Variants in IMMP2L observed in about 807,000 individuals in gnomAD.
IMMP2L encodes the protein mitochondrial inner membrane protease subunit 2.
A neutral mutation model predicts 19.3 loss-of-function variants in IMMP2L; 18 were observed. That is an observed-to-expected ratio of 0.93 (90% confidence interval 0.64 to 1.38). The LOEUF is 1.38. Among genes scored for constraint, IMMP2L ranks in the 40% most tolerant of loss-of-function variants. The probability of loss-of-function intolerance (pLI) is 0.00; values close to 1 mark genes in which losing one functional copy is unlikely to be tolerated. For missense variants in IMMP2L, 233 were observed against 218.2 expected, an observed-to-expected ratio of 1.07 and a Z score of -0.43; for synonymous variants, 76 against 73.0, an observed-to-expected ratio of 1.04 and a Z score of -0.21.
chr7:111,159,179 G>A (rs1804978643), intron 3 of IMMP2L, among the ~76,000 whole-genome samples: 1 of 152,130 alleles, frequency 6.6e-6, no homozygotes, highest in Admixed American at 6.5e-5. Flanking sequence ...GCAGTAGCAT[G>A]ATGTCGACTC....
intron 3 of IMMP2L, among the ~76,000 whole-genome samples, chr7:111,047,447 C>T (rs1337394659): frequency 6.6e-6 from 1 of 152,146 alleles, no homozygotes; most frequent in African/African-American, 2.4e-5. Flanking sequence ...CTTGGCCTCT[C>T]AAAGTGCTAG....
intron 3 of IMMP2L, among the ~76,000 whole-genome samples, chr7:111,140,902 G>T (rs1802812484): frequency 6.6e-6 from 1 of 152,170 alleles, no homozygotes; most frequent in African/African-American, 2.4e-5. Flanking sequence ...ACATTTGAGA[G>T]AGCTGCTGGA....
intron 3 of IMMP2L, among the ~76,000 whole-genome samples, chr7:111,035,476 A>C (rs1373632934): frequency 6.6e-6 from 1 of 152,208 alleles, no homozygotes; most frequent in Non-Finnish European, 1.5e-5. Context: ...TAAACCAAAG[A>C]ATACTGCAAT....
At chr7:111,275,473 TG>T (rs1293972233) in intron 3 of IMMP2L, among the ~76,000 whole-genome samples, 1 of 152,140 alleles carries the variant, frequency 6.6e-6, no homozygotes, top group Non-Finnish European at 1.5e-5. Context: ...AAAACAGTTG[TG>T]GGGGACTGGT....
Position 111,031,381 on chromosome 7 carries a change from G to GGTGTGTGTGTGT in IMMP2L, c.240-67828_240-67817dup, listed in dbSNP as rs1554496351. On this transcript the variant is annotated intron_variant, in intron 3 of 5. Coordinates refer to ENST00000405709, the MANE Select transcript of IMMP2L (RefSeq NM_032549.4). ...AGTGCTAGAAAATAAGGGGTGTAGG[G>GGTGTGTGTGTGT]GTGTGTGTGTGTGTGTGTGTGTGTG... Among the ~76,000 whole-genome samples the GGTGTGTGTGTGT allele has an allele frequency of 6.9e-5, 5 of 72,662 alleles. No homozygotes were observed. In the East Asian group the frequency reaches 9.7e-4, roughly 14 times the overall value. 47.7% of individuals were successfully genotyped at this position (72,662 alleles called of 152,430 possible).
At chr7:110,861,937 C>T (rs1427840445) in intron 5 of IMMP2L, among the ~76,000 whole-genome samples, 1 of 152,000 alleles carries the variant, frequency 6.6e-6, no homozygotes, top group Non-Finnish European at 1.5e-5. Flanking sequence ...TAATTCCAAT[C>T]AACACTATTA....
chr7:110,806,262 T>A (rs1801627902), intron 5 of IMMP2L, among the ~76,000 whole-genome samples: 1 of 35,186 alleles, frequency 2.8e-5, no homozygotes, highest in African/African-American at 1.0e-4. Flanking sequence ...GAAGTTCTTT[T>A]CTGCATAATT....
intron 3 of IMMP2L, among the ~76,000 whole-genome samples, chr7:111,358,356 T>C (rs1369657348): frequency 6.6e-6 from 1 of 151,734 alleles, no homozygotes; most frequent in Admixed American, 6.6e-5. Flanking sequence ...AAAGCATCTT[T>C]TGCCATCATG....
At chr7:111,132,797 T>C (rs561416171) in intron 3 of IMMP2L, among the ~76,000 whole-genome samples, 119 of 152,130 alleles carry the variant, frequency 7.8e-4, no homozygotes, top group Non-Finnish European at 8.1e-4. Context: ...TAGCTACCCA[T>C]AGAGGAAGGT....
intron 5 of IMMP2L, among the ~76,000 whole-genome samples, chr7:110,837,523 T>C (rs1342607689): frequency 6.6e-6 from 1 of 152,080 alleles, no homozygotes; most frequent in Non-Finnish European, 1.5e-5. Flanking sequence ...CACAAAGACA[T>C]GAGGCTGAAG....
At chr7:110,874,412 A>T (rs1808857996) in intron 5 of IMMP2L, among the ~76,000 whole-genome samples, 1 of 152,118 alleles carries the variant, frequency 6.6e-6, no homozygotes, top group Non-Finnish European at 1.5e-5. Flanking sequence ...ATGTGACAAA[A>T]AAAAGGTATT....
chr7:111,289,887 G>C (rs1251259935), intron 3 of IMMP2L, among the ~76,000 whole-genome samples: 1 of 151,688 alleles, frequency 6.6e-6, no homozygotes, highest in Non-Finnish European at 1.5e-5. Context: ...CACAGCTCCA[G>C]GTTTTACATA....
chr7:111,147,315 A>T, intron 3 of IMMP2L, among the ~76,000 whole-genome samples: 1 of 152,076 alleles, frequency 6.6e-6, no homozygotes, highest in East Asian at 1.9e-4. Context: ...GTTCACATAA[A>T]TCAATAAGAA....
chr7:110,664,524 A>C (rs1354042639), intron 5 of IMMP2L, among the ~76,000 whole-genome samples: 1 of 152,180 alleles, frequency 6.6e-6, no homozygotes, highest in African/African-American at 2.4e-5. Context: ...CTTAAGGCTG[A>C]GCCCAAAGAC....
At chr7:111,018,332 A>T (rs113352239) in intron 3 of IMMP2L, among the ~76,000 whole-genome samples, 1,787 of 152,302 alleles carry the variant, frequency 0.012, 38 homozygotes, top group African/African-American at 0.041. Context: ...AAGTGTTAAT[A>T]CTGATTGCAA....
chr7:111,285,479 G>A lies in IMMP2L; in HGVS notation c.239+201759C>T, dbSNP rs73714699. 2.0e-3 allele frequency among the ~76,000 whole-genome samples: 310 copies of A among 152,226 alleles called. 3 individuals are homozygous for A. Among genetic ancestry groups the A allele is most frequent in the African/African-American group, 6.9e-3 (287 of 41,556 alleles). ...ATGAAATCATGATATCATTAAGGGC[G>A]TATTCTCTAAATTTCAGAACACTAG... On this transcript the variant is annotated intron_variant, in intron 3 of 5. Coordinates refer to ENST00000405709, the MANE Select transcript of IMMP2L (RefSeq NM_032549.4).
intron 3 of IMMP2L, among the ~76,000 whole-genome samples, chr7:111,270,522 C>G (rs1486003607): frequency 6.6e-6 from 1 of 151,894 alleles, no homozygotes; most frequent in Non-Finnish European, 1.5e-5. Flanking sequence ...TCAGAGTTCA[C>G]TATAAAGAAA....
At chr7:110,919,124 G>T (rs979028428) in intron 4 of IMMP2L, among the ~76,000 whole-genome samples, 9 of 152,136 alleles carry the variant, frequency 5.9e-5, no homozygotes, top group Non-Finnish European at 1.0e-4. Flanking sequence ...ATTCAGGGCC[G>T]CCTGAGGATG....
chr7:111,207,681 G>A (rs1013475079), intron 3 of IMMP2L, among the ~76,000 whole-genome samples: 2 of 151,426 alleles, frequency 1.3e-5, no homozygotes, highest in African/African-American at 4.9e-5. Flanking sequence ...GACTACAGGT[G>A]CGCGCCGCCA....
Sources: allele counts gnomAD v4.1 joint callset (sites outside exome capture counted in the v4.1 genomes callset), GRCh38; gene constraint gnomAD v4.1.1; transcripts MANE v1.5; gene names NCBI Gene and HGNC (gene_info 2026-07-23, HGNC 2026-07-21).